SLC4A10: variants seen among roughly 807,000 people sequenced by gnomAD.
The protein encoded by SLC4A10 is sodium-driven chloride bicarbonate exchanger.
A neutral mutation model predicts 137.7 loss-of-function variants in SLC4A10; 42 were observed. That is an observed-to-expected ratio of 0.30 (90% CI 0.24 to 0.39). The LOEUF (loss-of-function observed/expected upper bound fraction) is 0.39, where lower values mean the gene tolerates loss of function less well. Among genes scored for constraint, SLC4A10 ranks in the 10% least tolerant of loss-of-function variants. The pLI is 1.00. For synonymous variants in SLC4A10, 474 were observed against 464.1 expected (o/e 1.02, Z -0.27); for missense variants, 925 against 1,355.0 (o/e 0.68, Z 4.98).
chr2:161,629,964 C>T (rs761544390), intron 1 of SLC4A10, among the ~76,000 whole-genome samples: 2 of 151,778 alleles, frequency 1.3e-5, no homozygotes, highest in Non-Finnish European at 2.9e-5. Context: ...GGGTTTCCTC[C>T]AAGTTTGGCA....
chr2:161,656,332 T>C (rs1173042335), intron 1 of SLC4A10, among the ~76,000 whole-genome samples: 1 of 152,228 alleles, frequency 6.6e-6, no homozygotes, highest in Non-Finnish European at 1.5e-5. Context: ...GACATCTTTC[T>C]TAAGCTGTTT....
chr2:161,906,518 A>G (rs1684402411), intron 15 of SLC4A10, among the ~76,000 whole-genome samples: 1 of 152,160 alleles, frequency 6.6e-6, no homozygotes, highest in Non-Finnish European at 1.5e-5. Context: ...AAATGTCTCT[A>G]AGGCTTTGTC....
intron 1 of SLC4A10, among the ~76,000 whole-genome samples, chr2:161,678,548 C>T (rs1279063403): frequency 6.6e-6 from 1 of 152,076 alleles, no homozygotes; most frequent in East Asian, 1.9e-4. Context: ...ATACATATGC[C>T]TATGTAGCCA....
At chr2:161,823,451 A>G (rs2057783617) in intron 3 of SLC4A10, among the ~76,000 whole-genome samples, 1 of 152,216 alleles carries the variant, frequency 6.6e-6, no homozygotes, top group African/African-American at 2.4e-5. Flanking sequence ...TGCCGTAAAA[A>G]GAATGATCTC....
intron 11 of SLC4A10, 67 bp from the exon 12 acceptor site, chr2:161,900,844 T>C (rs1438896811): frequency 9.0e-7 from 1 of 1,113,560 alleles, no homozygotes; most frequent in Non-Finnish European, 1.3e-6. Flanking sequence ...TGAACTGTTA[T>C]TATTATTTAC....
chr2:161,919,165 T>C (rs1226458431), intron 15 of SLC4A10, among the ~76,000 whole-genome samples: 1 of 152,160 alleles, frequency 6.6e-6, no homozygotes, highest in Non-Finnish European at 1.5e-5. Flanking sequence ...CTCAGCCCTC[T>C]CTGGACTTTG....
At chr2:161,804,345 C>A in intron 2 of SLC4A10, 104 bp from the exon 3 acceptor site, 1 of 1,264,186 alleles carries the variant, frequency 7.9e-7, no homozygotes, top group Admixed American at 2.7e-5. Flanking sequence ...TCAAAAATGA[C>A]TTGCTGAATT....
rs2040817633 is a variant in SLC4A10 at position 161,681,235 on chromosome 2, T to C, written c.48+56669T>C. On this transcript the variant is annotated intron_variant, in intron 1 of 26. Transcript: ENST00000446997. Reference sequence around the variant, plus strand: ...AGTTGGCTGCCAACATTCATGCTCATGACTCATAATTCCTCATTGCCACCA... The same window carrying C: ...AGTTGGCTGCCAACATTCATGCTCACGACTCATAATTCCTCATTGCCACCA... 2.0e-5 allele frequency among the ~76,000 whole-genome samples: 3 copies of C among 152,298 alleles called. No individual in the cohort carries two copies. The South Asian group carries it at 6.2e-4, about 32-fold the overall frequency.
intron 15 of SLC4A10, 24 bp downstream of exon 15, chr2:161,905,911 C>G (rs370349037): frequency 3.9e-6 from 6 of 1,556,548 alleles, no homozygotes; most frequent in Admixed American, 2.0e-5. Flanking sequence ...CCCCTGCTGG[C>G]CTTGGGGCTT....
intron 26 of SLC4A10, among the ~76,000 whole-genome samples, chr2:161,979,835 G>A (rs149225104): frequency 6.6e-6 from 1 of 152,292 alleles, no homozygotes; most frequent in African/African-American, 2.4e-5. Flanking sequence ...ATCCTGTGCT[G>A]TAATGTGTCA....
rs530344694 is a variant in SLC4A10, at chr2:161,624,689, T to C, written c.48+123T>C. On this transcript the variant is annotated intron_variant, in intron 1 of 26. Transcript: ENST00000446997. ...GGTGGTGGATAGCTCCTACGACATA[T>C]GGACAGGGGTCTCCTCCCATCTTGG... 1,081 of 1,288,960 alleles carry C rather than the reference T, an allele frequency of 8.4e-4. 7 individuals carry two copies. Among genetic ancestry groups the C allele is most frequent in the South Asian group, 5.5e-3 (412 of 74,790 alleles). The allele number at this position is 1,288,960 out of a possible 1,614,324, so 79.8% of individuals were successfully genotyped here. A position where few individuals can be genotyped will look rare whatever the true frequency, so the allele number is the denominator to read the frequency against.
intron 15 of SLC4A10, among the ~76,000 whole-genome samples, chr2:161,927,054 G>C (rs531372924): frequency 6.6e-6 from 1 of 151,978 alleles, no homozygotes; most frequent in African/African-American, 2.4e-5. Flanking sequence ...TGGTATTCTC[G>C]AGGAGTATCT....
chr2:161,676,345 A>G (rs1007075376), intron 1 of SLC4A10, among the ~76,000 whole-genome samples: 1 of 43,398 alleles, frequency 2.3e-5, no homozygotes, highest in African/African-American at 1.0e-4. Flanking sequence ...GTGGATGCGC[A>G]TGTTGAAATG....
At chr2:161,825,029 CTCT>C (rs1167361315) in intron 3 of SLC4A10, among the ~76,000 whole-genome samples, 2 of 152,032 alleles carry the variant, frequency 1.3e-5, no homozygotes, top group African/African-American at 4.8e-5. Context: ...AATATATTTT[CTCT>C]TCTTTGTGAT....
chr2:161,978,824 A>G (rs1699804547), intron 26 of SLC4A10, among the ~76,000 whole-genome samples: 1 of 152,210 alleles, frequency 6.6e-6, no homozygotes, highest in East Asian at 1.9e-4. Context: ...CTGTCTTAAT[A>G]GGACTTTAAA....
rs1700458269 is a variant in SLC4A10, at chr2:161,983,174, T to G, written c.*27-5T>G. 6.5e-7 allele frequency: 1 copy of G among 1,536,752 alleles called. No individual in the cohort carries two copies. The highest frequency in any genetic ancestry group is 8.7e-7 in the Non-Finnish European group (1 of 1,147,022). ...AATAAATGTGTCCTTTTTTTCCTTC[T>G]GTAGCATTGAAAGCCGAAAAGAGAA... On this transcript the variant is annotated splice_polypyrimidine_tract_variant and splice_region_variant and intron_variant, in intron 26 of 26. Coordinates refer to ENST00000446997, the MANE Select transcript of SLC4A10 (RefSeq NM_001178015.2).
intron 2 of SLC4A10, among the ~76,000 whole-genome samples, chr2:161,777,963 G>A (rs1182671674): frequency 6.6e-6 from 1 of 151,860 alleles, no homozygotes; most frequent in African/African-American, 2.4e-5. Context: ...AACATTACAC[G>A]TTATAACCTG....
intron 1 of SLC4A10, among the ~76,000 whole-genome samples, chr2:161,751,072 T>C (rs1292234405): frequency 1.3e-5 from 2 of 151,850 alleles, no homozygotes; most frequent in Non-Finnish European, 3.0e-5. Context: ...GAAATATCTT[T>C]TTCCATCCTT....
chr2:161,962,082 T>C (rs1210286515), intron 21 of SLC4A10, among the ~76,000 whole-genome samples: 1 of 152,206 alleles, frequency 6.6e-6, no homozygotes, highest in Non-Finnish European at 1.5e-5. Flanking sequence ...TATTTAAACA[T>C]ATGCTAAATA....
Sources: gnomAD v4.1 joint callset for allele counts (sites outside exome capture counted in the v4.1 genomes callset) on GRCh38, gnomAD v4.1.1 for gene constraint, MANE v1.5 for transcripts, NCBI Gene and HGNC (gene_info 2026-07-23, HGNC 2026-07-21) for gene names.